Variants in SYT16 observed in about 807,000 individuals in gnomAD.
SYT16 encodes synaptotagmin-16.
Under a neutral mutation model 61.4 loss-of-function variants are expected in SYT16, and 42 were observed. The observed-to-expected ratio is 0.68, with a 90% CI of 0.53 to 0.89. The LOEUF is 0.89. Ranked by LOEUF, SYT16 falls within the 40% of genes least tolerant of loss-of-function variation. The pLI is 0.00. For synonymous variants in SYT16, 314 were observed against 302.3 expected (o/e 1.04, Z -0.40); for missense variants, 804 against 807.3 (o/e 1.00, Z 0.05).
At chr14:61,836,521 A>C (rs2046134980) in intron 1 of SYT16, among the ~76,000 whole-genome samples, 1 of 152,196 alleles carries the variant, frequency 6.6e-6, no homozygotes, top group African/African-American at 2.4e-5. Context: ...TCCTGTAGCC[A>C]TTCTCCTACA....
At chr14:61,990,269 G>A (rs1177746014) in intron 2 of SYT16, among the ~76,000 whole-genome samples, 1 of 152,104 alleles carries the variant, frequency 6.6e-6, no homozygotes, top group Non-Finnish European at 1.5e-5. Context: ...AAAATAATTA[G>A]CTTTATGACT....
intron 1 of SYT16, among the ~76,000 whole-genome samples, chr14:61,885,910 A>G (rs2047881946): frequency 1.3e-5 from 2 of 151,536 alleles, no homozygotes; most frequent in Admixed American, 6.6e-5. Flanking sequence ...TTCGATGTTG[A>G]TGGCTGCTGA....
intron 2 of SYT16, among the ~76,000 whole-genome samples, chr14:61,987,128 T>A (rs2052350502): frequency 6.6e-6 from 1 of 152,154 alleles, no homozygotes; most frequent in South Asian, 2.1e-4. Context: ...GAAAACATTC[T>A]GAAAAGTGAA....
At chr14:61,814,964 T>C (rs988701794) in intron 1 of SYT16, among the ~76,000 whole-genome samples, 4 of 152,232 alleles carry the variant, frequency 2.6e-5, no homozygotes, top group Non-Finnish European at 4.4e-5. Context: ...CAGAATTCTT[T>C]AGTTAGCTCT....
At chr14:62,050,046 G>T (rs2055197997) in intron 3 of SYT16, among the ~76,000 whole-genome samples, 1 of 152,138 alleles carries the variant, frequency 6.6e-6, no homozygotes, top group Admixed American at 6.5e-5. Context: ...AAGTTCTCCT[G>T]GAAAATATCC....
intron 1 of SYT16, among the ~76,000 whole-genome samples, chr14:61,908,197 A>G (rs1392705161): frequency 6.6e-6 from 1 of 152,236 alleles, no homozygotes; most frequent in East Asian, 1.9e-4. Context: ...TAGGTGTACC[A>G]GGTTTAGCTG....
At chr14:61,977,325 A>G (rs902090177) in intron 2 of SYT16, among the ~76,000 whole-genome samples, 3 of 152,142 alleles carry the variant, frequency 2.0e-5, no homozygotes, top group African/African-American at 7.2e-5. Flanking sequence ...GTATTAGTCA[A>G]TTTTCATACT....
chr14:61,894,396 A>G (rs1253032688), intron 1 of SYT16, among the ~76,000 whole-genome samples: 1 of 152,000 alleles, frequency 6.6e-6, no homozygotes, highest in Non-Finnish European at 1.5e-5. Flanking sequence ...TTCTAGACAT[A>G]AGACCGTCCT....
chr14:62,000,727 C>T (rs184617946), intron 3 of SYT16, among the ~76,000 whole-genome samples: 4 of 152,114 alleles, frequency 2.6e-5, no homozygotes, highest in Admixed American at 2.6e-4. Context: ...ATCCTAGGAT[C>T]CCTAATGCAT....
At chr14:62,069,542 C>G in intron 3 of SYT16, 61 bp from the exon 4 acceptor site, 4 of 1,483,274 alleles carry the variant, frequency 2.7e-6, no homozygotes, top group Admixed American at 1.7e-5. Flanking sequence ...CCTGGAGAGT[C>G]TATCTCTGTA....
At chr14:61,904,563 A>G (rs1258376859) in intron 1 of SYT16, among the ~76,000 whole-genome samples, 2 of 152,178 alleles carry the variant, frequency 1.3e-5, no homozygotes, top group Non-Finnish European at 2.9e-5. Flanking sequence ...TGGAAATGGT[A>G]TGTGGAGCTA....
chr14:61,953,076 C>T (rs1350264981), intron 1 of SYT16, among the ~76,000 whole-genome samples: 2 of 152,084 alleles, frequency 1.3e-5, no homozygotes, highest in Non-Finnish European at 2.9e-5. Context: ...CTAGAAGCAT[C>T]ACATAGCAAA....
chr14:61,926,738 A>T lies in SYT16; in HGVS notation c.-324-43394A>T, dbSNP rs530056473. Reference sequence around the variant, plus strand: ...TTAGGTGAATTTTAAGGGGACATGAATACATTCTATGAATATATTTACACA... The same window carrying T: ...TTAGGTGAATTTTAAGGGGACATGATTACATTCTATGAATATATTTACACA... On this transcript the variant is annotated intron_variant, in intron 1 of 7. Transcript: ENST00000683842. Among the ~76,000 whole-genome samples, 5 of 152,242 alleles carry T rather than the reference A, an allele frequency of 3.3e-5. No individual in the cohort carries two copies. In the South Asian group the frequency reaches 1.0e-3, roughly 32 times the overall value.
chr14:61,957,332 T>G (rs1408911525), intron 1 of SYT16, among the ~76,000 whole-genome samples: 1 of 151,974 alleles, frequency 6.6e-6, no homozygotes. Flanking sequence ...TTTTTCTGGT[T>G]AGGACTTTCA....
intron 3 of SYT16, among the ~76,000 whole-genome samples, chr14:62,051,139 G>T (rs2055269416): frequency 6.6e-6 from 1 of 152,232 alleles, no homozygotes; most frequent in Admixed American, 6.5e-5. Flanking sequence ...CTTCCCGGCT[G>T]CTTTGTTTAC....
intron 3 of SYT16, among the ~76,000 whole-genome samples, chr14:62,023,814 G>GA: frequency 6.6e-6 from 1 of 152,106 alleles, no homozygotes; most frequent in Admixed American, 6.6e-5. Flanking sequence ...TTTTAATCGT[G>GA]TAGTCTTGCT....
At chr14:62,075,109 A>T in intron 4 of SYT16, 26 bp from the exon 5 acceptor site, 1 of 1,578,054 alleles carries the variant, frequency 6.3e-7, no homozygotes, top group Non-Finnish European at 8.6e-7. Context: ...AATGCATTTG[A>T]AATGGTTTTC....
intron 1 of SYT16, among the ~76,000 whole-genome samples, chr14:61,878,576 A>T (rs1389667927): frequency 6.6e-6 from 1 of 152,220 alleles, no homozygotes; most frequent in Non-Finnish European, 1.5e-5. Context: ...TGGCTTGCCA[A>T]ATCTGAGGGA....
At chr14:61,886,005 C>T (rs956798153) in intron 1 of SYT16, among the ~76,000 whole-genome samples, 4 of 149,340 alleles carry the variant, frequency 2.7e-5, no homozygotes, top group African/African-American at 9.9e-5. Context: ...TGCTCTGTCG[C>T]CCAGGCTGGA....
Sources: allele counts gnomAD v4.1 joint callset (sites outside exome capture counted in the v4.1 genomes callset), GRCh38; gene constraint gnomAD v4.1.1; transcripts MANE v1.5; gene names NCBI Gene and HGNC (gene_info 2026-07-23, HGNC 2026-07-21).